TENM3: variants seen among roughly 807,000 people sequenced by gnomAD.
TENM3 encodes the protein teneurin transmembrane protein 3.
A neutral mutation model predicts 255.1 loss-of-function variants in TENM3; 63 were observed. The observed-to-expected ratio is 0.25, with a 90% CI of 0.20 to 0.30. The LOEUF (loss-of-function observed/expected upper bound fraction) is 0.30, where lower values mean the gene tolerates loss of function less well. Among genes scored for constraint, TENM3 ranks in the 10% least tolerant of loss-of-function variants. The probability of loss-of-function intolerance (pLI) is 1.00; values close to 1 mark genes in which losing one functional copy is unlikely to be tolerated. For synonymous variants in TENM3, 1,306 were observed against 1,322.3 expected (o/e 0.99, Z 0.27); for missense variants, 2,929 against 3,461.1 (o/e 0.85, Z 3.86).
chr4:182,059,745 CAAAAAAAAAAAAAAAAAG>C, the TENM3 span, among the ~76,000 whole-genome samples: 3 of 43,192 alleles, frequency 6.9e-5, no homozygotes, highest in African/African-American at 9.6e-5. Flanking sequence ...TCTGTCTCTA[CAAAAAAAAAAAAAAAAAG>C]AAAAAAAAAA....
chr4:182,394,693 A>G (rs1476531361), intron 3 of TENM3, among the ~76,000 whole-genome samples: 1 of 152,172 alleles, frequency 6.6e-6, no homozygotes, highest in Non-Finnish European at 1.5e-5. Flanking sequence ...TAGAGAATCA[A>G]ATTGATTTTT....
Position 182,792,966 on chromosome 4 carries a change from C to T in TENM3, c.6294C>T (p.Leu2098=). 1.9e-6 allele frequency: 3 copies of T among 1,613,778 alleles called. No homozygotes were observed. The highest frequency in any genetic ancestry group is 1.1e-5 in the South Asian group (1 of 91,050). The part of the protein sequence containing the change: ...KEIQYEIFRS[L]MYWITIQYDN... ...TTCAATATGAGATATTCAGGTCGCT[C>T]ATGTACTGGATTACAATTCAGTATG... Residue 2098 remains leucine (L), a synonymous_variant, in exon 26 of 28, where the codon CTC becomes CTT. Coordinates refer to ENST00000511685, the MANE Select transcript of TENM3 (RefSeq NM_001080477.4). This position sits in a 1 kb window ranked among gnomAD's most constrained non-coding sequence, Gnocchi z 6.3.
At chr4:182,057,041 C>A in the TENM3 span, among the ~76,000 whole-genome samples, 1 of 151,172 alleles carries the variant, frequency 6.6e-6, no homozygotes, top group Non-Finnish European at 1.5e-5. Context: ...ATCTCGAATG[C>A]CCCAGTGATA....
intron 3 of TENM3, among the ~76,000 whole-genome samples, chr4:182,499,186 G>A (rs984489577): frequency 3.9e-5 from 6 of 152,190 alleles, no homozygotes; most frequent in African/African-American, 1.4e-4. Context: ...AGAAGTGAAT[G>A]AGGTTATCTA....
chr4:182,011,745 C>G, the TENM3 span, among the ~76,000 whole-genome samples: 2 of 152,222 alleles, frequency 1.3e-5, no homozygotes, highest in Admixed American at 1.3e-4. Flanking sequence ...ATCTGGCTAC[C>G]CTCCATCAAG....
intron 3 of TENM3, among the ~76,000 whole-genome samples, chr4:182,476,922 A>G (rs1054226468): frequency 6.6e-6 from 1 of 152,220 alleles, no homozygotes; most frequent in African/African-American, 2.4e-5. Flanking sequence ...GGCTTGTTCT[A>G]CTTCTAAACC....
At chr4:182,139,709 GCTGGTGTTCAAAATCCTTCGCAAAAC>G (rs1749262499), upstream of TENM3, among the ~76,000 whole-genome samples, 2 of 152,210 alleles carry the variant, frequency 1.3e-5, no homozygotes, top group African/African-American at 4.8e-5. Context: ...GTTAAAAGAC[GCTGGTGTTCAAAATCCTTCGCAAAAC>G]CTGGGGTCTT....
chr4:181,839,345 GTATATATATATATATATA>G, the TENM3 span, among the ~76,000 whole-genome samples: 29 of 56,684 alleles, frequency 5.1e-4, no homozygotes, highest in South Asian at 7.9e-4. Context: ...TGTATTGAGG[GTATATATATATATATATA>G]TATATATATA....
chr4:182,164,153 C>T (rs1045927327), intron 1 of TENM3, among the ~76,000 whole-genome samples: 31 of 152,172 alleles, frequency 2.0e-4, no homozygotes, highest in Non-Finnish European at 1.2e-4. Context: ...CAGGCACCTT[C>T]GGTCATCCTG....
At chr4:181,809,087 C>A in the TENM3 span, among the ~76,000 whole-genome samples, 1 of 152,194 alleles carries the variant, frequency 6.6e-6, no homozygotes, top group South Asian at 2.1e-4. Flanking sequence ...ACATTTGAGT[C>A]TTTTAACTGC....
chr4:182,282,263 G>T (rs904883366), intron 1 of TENM3, among the ~76,000 whole-genome samples: 2 of 152,260 alleles, frequency 1.3e-5, no homozygotes, highest in Admixed American at 1.3e-4. Context: ...ACATTAGGAG[G>T]GATGGGCATC....
At chr4:181,713,359 T>C in the TENM3 span, among the ~76,000 whole-genome samples, 441 of 152,318 alleles carry the variant, frequency 2.9e-3, 2 homozygotes, top group Non-Finnish European at 4.4e-3. Context: ...ATGTTGCTGG[T>C]CAAGAACAAA....
chr4:181,701,120 C>A, the TENM3 span, among the ~76,000 whole-genome samples: 1 of 152,088 alleles, frequency 6.6e-6, no homozygotes, highest in African/African-American at 2.4e-5. Context: ...GCTAATCTTC[C>A]GGGCACTTAG....
chr4:181,735,929 C>T, the TENM3 span, among the ~76,000 whole-genome samples: 1 of 152,200 alleles, frequency 6.6e-6, no homozygotes, highest in Non-Finnish European at 1.5e-5. Flanking sequence ...CCAGTTTCTG[C>T]TATAAATGCT....
At chr4:182,631,504 C>T (rs1437784833) in intron 5 of TENM3, 1 of 152,092 alleles carries the variant, frequency 6.6e-6, no homozygotes, top group African/African-American at 2.4e-5. Context: ...TGATTAAAGA[C>T]GTTGCCTTTA....
the TENM3 span, among the ~76,000 whole-genome samples, chr4:181,478,725 G>A: frequency 6.6e-6 from 1 of 152,144 alleles, no homozygotes; most frequent in Non-Finnish European, 1.5e-5. Flanking sequence ...CCCGCTAGAT[G>A]ACACATTATT....
At chr4:181,689,271 T>C in the TENM3 span, among the ~76,000 whole-genome samples, 1 of 152,232 alleles carries the variant, frequency 6.6e-6, no homozygotes, top group Admixed American at 6.5e-5. Flanking sequence ...AAAATTGGAA[T>C]GCACAGCTAT....
At chr4:182,496,230 A>C (rs1276708668) in intron 3 of TENM3, among the ~76,000 whole-genome samples, 1 of 152,190 alleles carries the variant, frequency 6.6e-6, no homozygotes, top group Non-Finnish European at 1.5e-5. Context: ...CCTTAATGGA[A>C]GTCACCATTA....
the TENM3 span, among the ~76,000 whole-genome samples, chr4:181,956,951 G>A: frequency 6.6e-6 from 1 of 152,138 alleles, no homozygotes; most frequent in Non-Finnish European, 1.5e-5. Flanking sequence ...ACCTAAAACA[G>A]CAGAAGGAAA....
Sources: gnomAD v4.1 joint callset for allele counts (sites outside exome capture counted in the v4.1 genomes callset) on GRCh38, gnomAD v4.1.1 for gene constraint, Gnocchi (gnomAD v3.1) non-coding constraint, MANE v1.5 for transcripts, NCBI Gene and HGNC (gene_info 2026-07-23, HGNC 2026-07-21) for gene names.